CDH23: variants seen among roughly 807,000 people sequenced by gnomAD.
CDH23 encodes cadherin-23.
CDH23 carries 189 observed loss-of-function variants against 317.1 expected under a neutral mutation model. The observed-to-expected ratio is 0.60, with a 90% CI of 0.53 to 0.67. The LOEUF (loss-of-function observed/expected upper bound fraction) is 0.67. Ranked by LOEUF, CDH23 falls within the 30% of genes least tolerant of loss-of-function variation. The pLI is 0.00. For synonymous variants in CDH23, 1,839 were observed against 1,876.8 expected (o/e 0.98, Z 0.52); for missense variants, 4,401 against 4,592.4 (o/e 0.96, Z 1.20).
intron 6 of CDH23, among the ~76,000 whole-genome samples, chr10:71,513,420 C>A (rs1302930738): frequency 6.6e-6 from 1 of 152,140 alleles, no homozygotes; most frequent in East Asian, 1.9e-4. Flanking sequence ...AGCTTTCCTG[C>A]TTGCATTGAG....
chr10:71,790,219 C>CAGGGCAGGGGAGGTGGG, intron 45 of CDH23, 69 bp from the exon 46 acceptor site: 1 of 1,579,852 alleles, frequency 6.3e-7, no homozygotes, highest in Non-Finnish European at 8.6e-7. Flanking sequence ...CTCACCGGGA[C>CAGGGCAGGGGAGGTGGG]AGGGCAGGGG....
chr10:71,441,435 T>C (rs1849874793), intron 2 of CDH23, among the ~76,000 whole-genome samples: 1 of 152,118 alleles, frequency 6.6e-6, no homozygotes, highest in African/African-American at 2.4e-5. Flanking sequence ...AGAAATACAT[T>C]TGGCCCGGCA....
chr10:71,665,380 C>T (rs1863843854), intron 14 of CDH23, among the ~76,000 whole-genome samples: 1 of 152,258 alleles, frequency 6.6e-6, no homozygotes, highest in African/African-American at 2.4e-5. Flanking sequence ...ATCTCGGAGC[C>T]TCTGTTCCTG....
At chr10:71,568,637 C>T (rs760840333) in intron 7 of CDH23, among the ~76,000 whole-genome samples, 16 of 152,194 alleles carry the variant, frequency 1.1e-4, no homozygotes, top group Non-Finnish European at 2.1e-4. Context: ...GAGCTGACAC[C>T]GAGTCCTTCT....
intron 38 of CDH23, chr10:71,760,978 G>A (rs1488666274): frequency 3.2e-6 from 5 of 1,578,332 alleles, no homozygotes; most frequent in African/African-American, 1.3e-5. Flanking sequence ...AGGAGGCCAG[G>A]GAGGCTTGTC....
chr10:71,446,270 A>AAGCTGATGGGGGGTACT, intron 2 of CDH23, 48 bp from the exon 3 acceptor site: 2 of 1,571,094 alleles, frequency 1.3e-6, no homozygotes, highest in Non-Finnish European at 1.8e-6. Context: ...AGAGTGTGTA[A>AAGCTGATGGGGGGTACT]AGCTGATGGG....
At chr10:71,406,525 G>A (rs913834755) in intron 1 of CDH23, among the ~76,000 whole-genome samples, 1 of 152,210 alleles carries the variant, frequency 6.6e-6, no homozygotes, top group Non-Finnish European at 1.5e-5. Flanking sequence ...CAACTGGGAA[G>A]ACACTGTGGC....
At chr10:71,526,006 G>C (rs1331255187) in intron 6 of CDH23, among the ~76,000 whole-genome samples, 1 of 152,202 alleles carries the variant, frequency 6.6e-6, no homozygotes, top group African/African-American at 2.4e-5. Context: ...GCAGATCCTG[G>C]CTGAAAGCCT....
chr10:71,610,872 T>C (rs1564686286), intron 9 of CDH23, among the ~76,000 whole-genome samples: 1 of 152,050 alleles, frequency 6.6e-6, no homozygotes, highest in Non-Finnish European at 1.5e-5. Flanking sequence ...TGTGATCAAT[T>C]TGAATCACCA....
Position 71,751,115 on chromosome 10 carries a change from G to T in CDH23, c.4845+9194G>T. ...GAGGGGTTGAGGGGCTGGGCTTCTG[G>T]GATGTCACAGTATCTGAGCCCAGAG... On this transcript the variant is annotated intron_variant, in intron 38 of 69. Transcript: ENST00000224721. This position sits in a 1 kb window ranked among gnomAD's most constrained non-coding sequence, Gnocchi z 4.9. 1.9e-6 allele frequency: 2 copies of T among 1,026,148 alleles called. No homozygotes were observed. Among genetic ancestry groups the T allele is most frequent in the Non-Finnish European group, 2.8e-6 (2 of 709,736 alleles). The allele number at this position is 1,026,148 out of a possible 1,614,324, so 63.6% of individuals were successfully genotyped here.
At chr10:71,761,041 A>C in intron 38 of CDH23, 1 of 1,024,200 alleles carries the variant, frequency 9.8e-7, no homozygotes, top group Non-Finnish European at 1.5e-6. Context: ...CCTACTCGGC[A>C]GTGTTGGCCC....
chr10:71,448,820 G>C (rs1589323276), intron 3 of CDH23, among the ~76,000 whole-genome samples: 1 of 152,304 alleles, frequency 6.6e-6, no homozygotes, highest in East Asian at 1.9e-4. Flanking sequence ...CCTGGGCCAA[G>C]CAGATGGTGG....
Position 71,751,177 on chromosome 10 carries a change from C to A in CDH23, c.4845+9256C>A, listed in dbSNP as rs1839987530. On this transcript the variant is annotated intron_variant, in intron 38 of 69. Coordinates refer to ENST00000224721, the MANE Select transcript of CDH23 (RefSeq NM_022124.6). This position sits in a 1 kb window ranked among gnomAD's most constrained non-coding sequence, Gnocchi z 4.9. ...GAACCAGGGCCGAGGCCAAGGAGGC[C>A]ACTCACAGAGCCAGCCCTGGCTCAA... 13 of 1,519,974 alleles carry A rather than the reference C, an allele frequency of 8.6e-6. No homozygotes were observed. The highest frequency in any genetic ancestry group is 5.9e-5 in the Admixed American group (3 of 51,230). 94.2% of individuals were successfully genotyped at this position (1,519,974 alleles called of 1,614,324 possible).
At chr10:71,552,684 T>C (rs1856663072) in intron 6 of CDH23, among the ~76,000 whole-genome samples, 1 of 151,468 alleles carries the variant, frequency 6.6e-6, no homozygotes, top group Non-Finnish European at 1.5e-5. Context: ...AGGAAGGGAG[T>C]GCGGAGTGAT....
chr10:71,687,040 C>G, intron 18 of CDH23, among the ~76,000 whole-genome samples: 1 of 152,172 alleles, frequency 6.6e-6, no homozygotes, highest in Non-Finnish European at 1.5e-5. Flanking sequence ...TGCTTTAGAA[C>G]TGACAGGGGT....
At chr10:71,588,550 G>A (rs1859245713) in intron 9 of CDH23, among the ~76,000 whole-genome samples, 1 of 151,972 alleles carries the variant, frequency 6.6e-6, no homozygotes, top group South Asian at 2.1e-4. Context: ...TCTAGTTGAT[G>A]ACAAACACAA....
At chr10:71,778,339 GC>G in intron 40 of CDH23, 31 bp downstream of exon 40, 1 of 1,613,012 alleles carries the variant, frequency 6.2e-7, no homozygotes, top group Middle Eastern at 1.7e-4. Flanking sequence ...CCCAACTTGG[GC>G]TTGGAGGTTG....
intron 15 of CDH23, among the ~76,000 whole-genome samples, chr10:71,675,881 C>CAAGCCA (rs2132666016): frequency 6.6e-6 from 1 of 150,534 alleles, no homozygotes; most frequent in East Asian, 2.0e-4. Context: ...TCAGTTAATC[C>CAAGCCA]AAGCCAAAGG....
intron 24 of CDH23, 95 bp from the exon 25 acceptor site, chr10:71,704,816 G>A (rs993214007): frequency 1.3e-5 from 13 of 981,052 alleles, no homozygotes; most frequent in Admixed American, 1.9e-5. Flanking sequence ...CTGCAGCCAA[G>A]TGTGGCTTGG....
Sources: gnomAD v4.1 joint callset for allele counts (sites outside exome capture counted in the v4.1 genomes callset) on GRCh38, gnomAD v4.1.1 for gene constraint, Gnocchi (gnomAD v3.1) non-coding constraint, MANE v1.5 for transcripts, NCBI Gene and HGNC (gene_info 2026-07-23, HGNC 2026-07-21) for gene names.